Variants in GLT1D1 observed in about 807,000 individuals in gnomAD.
The protein encoded by GLT1D1 is glycosyltransferase 1 domain containing 1.
A neutral mutation model predicts 28.7 loss-of-function variants in GLT1D1; 21 were observed. The observed-to-expected ratio is 0.73, with a 90% confidence interval of 0.52 to 1.05. GLT1D1 has a LOEUF of 1.05. GLT1D1 is among the 50% of genes least tolerant of loss of function. The probability of loss-of-function intolerance (pLI) is 0.00; values close to 1 mark genes in which losing one functional copy is unlikely to be tolerated. For missense variants in GLT1D1, 343 were observed against 330.6 expected, an observed-to-expected ratio of 1.04 and a Z score of -0.29; for synonymous variants, 147 against 124.8, an observed-to-expected ratio of 1.18 and a Z score of -1.19.
rs934819739 is a variant in GLT1D1, at chr12:128,944,740, A to G, written c.376-586A>G. On this transcript the variant is annotated intron_variant, in intron 4 of 7. Transcript: ENST00000281703. ...TCCTGAAGGGCCACGCCAAGATGAC[A>G]TCATTTGGGATGAGTTTCCCTTGGT... The G allele has an allele frequency of 1.1e-5, 6 of 566,122 alleles. No individual in the cohort carries two copies. In the East Asian group the frequency reaches 1.9e-4, roughly 18 times the overall value. The allele number at this position is 566,122 out of a possible 1,614,324, so 35.1% of individuals were successfully genotyped here. A position where few individuals can be genotyped will look rare whatever the true frequency, so the allele number is the denominator to read the frequency against.
intron 6 of GLT1D1, among the ~76,000 whole-genome samples, chr12:128,951,587 G>T (rs1233492948): frequency 1.3e-5 from 2 of 152,114 alleles, no homozygotes; most frequent in African/African-American, 4.8e-5. Context: ...GGTGCCTGAC[G>T]CTGGCTCTGA....
intron 4 of GLT1D1, chr12:128,944,839 G>T: frequency 3.8e-6 from 1 of 265,454 alleles, no homozygotes; most frequent in Non-Finnish European, 7.1e-6. Flanking sequence ...GGGTACATGT[G>T]CACAATGTGC....
rs538368737 is a variant in GLT1D1, at chr12:128,949,268, T to A, written c.540+1810T>A. On this transcript the variant is annotated intron_variant, in intron 6 of 7. Coordinates refer to ENST00000281703, the MANE Select transcript of GLT1D1 (RefSeq NM_144669.3). ...GCACTTCACTGCGGATGAATCGCTG[T>A]CAAACCTCATTTACTTCAAAGCAAA... Among the ~76,000 whole-genome samples the A allele has an allele frequency of 2.0e-5, 3 of 152,356 alleles. No homozygotes were observed. The East Asian group carries it at 5.8e-4, about 29-fold the overall frequency.
chr12:128,863,657 C>T lies in GLT1D1; in HGVS notation c.68+10008C>T, dbSNP rs1212523. 5.5e-3 allele frequency among the ~76,000 whole-genome samples: 831 copies of T among 152,266 alleles called. 7 individuals are homozygous for T. Among genetic ancestry groups the T allele is most frequent in the African/African-American group, 0.019 (778 of 41,560 alleles). On this transcript the variant is annotated intron_variant, in intron 1 of 7. Transcript: ENST00000281703. ...CCTTCCAAAGTGCTGGGATTACAGG[C>T]GTGAGCCACCGCACCTGGCCTGGGA... is the stretch of plus-strand genomic sequence containing the variant.
At chr12:128,922,877 C>T (rs569227396) in intron 4 of GLT1D1, among the ~76,000 whole-genome samples, 46 of 133,330 alleles carry the variant, frequency 3.5e-4, no homozygotes, top group South Asian at 1.8e-3. Flanking sequence ...GAGCCGAGAA[C>T]GCACCACTGC....
At chr12:128,974,970 G>A (rs1217508253) in intron 7 of GLT1D1, among the ~76,000 whole-genome samples, 1 of 152,212 alleles carries the variant, frequency 6.6e-6, no homozygotes, top group African/African-American at 2.4e-5. Context: ...CCCTCCACCA[G>A]CAGTGAAGAT....
chr12:128,948,472 C>T (rs1003713291), intron 6 of GLT1D1, among the ~76,000 whole-genome samples: 8 of 152,106 alleles, frequency 5.3e-5, no homozygotes, highest in Non-Finnish European at 1.2e-4. Context: ...TGGTTCTCAG[C>T]ACACACACTG....
chr12:128,944,976 G>A (rs1319515862), intron 4 of GLT1D1: 1 of 565,884 alleles, frequency 1.8e-6, no homozygotes, highest in Non-Finnish European at 3.2e-6. Flanking sequence ...GCCCCGGTGT[G>A]TGATGTTCCC....
rs1258360572 is a variant in GLT1D1, at chr12:128,982,927, A to G, written c.640-2A>G. On this transcript the variant is annotated splice_acceptor_variant, in intron 7 of 7. Coordinates refer to ENST00000281703, the MANE Select transcript of GLT1D1 (RefSeq NM_144669.3). LOFTEE classifies it high-confidence loss of function. The stretch of plus-strand genomic sequence containing the variant: ...TGTCTACTTCTCCTTCCTTTTTTGC[A>G]GGAGTTTGTTCATCTGGCAAAGAGA... 1 of 1,610,180 alleles carries G rather than the reference A, an allele frequency of 6.2e-7. No homozygotes were observed. Among genetic ancestry groups the G allele is most frequent in the African/African-American group, 1.3e-5 (1 of 74,516 alleles).
At chr12:128,854,250 G>T (rs1018153404) in intron 1 of GLT1D1, among the ~76,000 whole-genome samples, 7 of 151,924 alleles carry the variant, frequency 4.6e-5, no homozygotes, top group Non-Finnish European at 8.8e-5. Context: ...CAAGCCCGGC[G>T]GGGGCCCGGG....
At position 128,945,268 on chromosome 12, in the gene GLT1D1, G is replaced by A. The variant is rs376232737; in HGVS notation, c.376-58G>A. ...GGCTTTGGCCTGGCCCGTGCTGGCC[G>A]GCTGGCAGCGCCACTAGCAGGCGGC... is the stretch of plus-strand genomic sequence containing the variant. On this transcript the variant is annotated intron_variant, in intron 4 of 7. Coordinates refer to ENST00000281703, the MANE Select transcript of GLT1D1 (RefSeq NM_144669.3). 5.1e-4 allele frequency: 805 copies of A among 1,572,798 alleles called. 1 individual carries two copies. The highest frequency in any genetic ancestry group is 1.7e-3 in the East Asian group (74 of 44,696).
At chr12:128,914,019 C>T (rs192064042) in intron 4 of GLT1D1, among the ~76,000 whole-genome samples, 301 of 152,210 alleles carry the variant, frequency 2.0e-3, no homozygotes, top group Non-Finnish European at 3.3e-3. Context: ...GTGTGAATAA[C>T]GATTATGCAG....
intron 1 of GLT1D1, among the ~76,000 whole-genome samples, chr12:128,869,588 G>A (rs12320719): frequency 0.027 from 4,150 of 151,788 alleles, 189 homozygotes; most frequent in African/African-American, 0.094. Context: ...ATATATTTAC[G>A]TATAAGTAGT....
intron 7 of GLT1D1, among the ~76,000 whole-genome samples, chr12:128,964,541 C>T (rs1878272674): frequency 6.6e-6 from 1 of 152,212 alleles, no homozygotes; most frequent in African/African-American, 2.4e-5. Context: ...AATGTTCACC[C>T]TGTGATGGAC....
chr12:128,943,406 G>A (rs1000768895), intron 4 of GLT1D1, among the ~76,000 whole-genome samples: 3 of 150,794 alleles, frequency 2.0e-5, no homozygotes, highest in Middle Eastern at 3.4e-3. Flanking sequence ...TTATCAGGGC[G>A]GATCATACAT....
chr12:128,880,920 T>G (rs1343704329), intron 2 of GLT1D1, among the ~76,000 whole-genome samples: 1 of 152,062 alleles, frequency 6.6e-6, no homozygotes, highest in Non-Finnish European at 1.5e-5. Flanking sequence ...GCTTGCAACT[T>G]CTTTTAAAAA....
chr12:128,963,994 T>C (rs959584156), intron 7 of GLT1D1, among the ~76,000 whole-genome samples: 1 of 152,218 alleles, frequency 6.6e-6, no homozygotes, highest in African/African-American at 2.4e-5. Flanking sequence ...CTCACAGTCC[T>C]AGAGGCTGCA....
chr12:128,957,514 C>T (rs1243673952), intron 6 of GLT1D1, 31 bp from the exon 11 acceptor site: 7 of 1,491,880 alleles, frequency 4.7e-6, no homozygotes, highest in Non-Finnish European at 6.5e-6. Context: ...AAATGACTGC[C>T]TTCCACCCCC....
At chr12:128,950,614 C>T (rs1385589547) in intron 6 of GLT1D1, among the ~76,000 whole-genome samples, 1 of 152,192 alleles carries the variant, frequency 6.6e-6, no homozygotes, top group Admixed American at 6.5e-5. Flanking sequence ...GTGCCCCCCC[C>T]TCACAGATCA....
Sources: allele counts gnomAD v4.1 joint callset (sites outside exome capture counted in the v4.1 genomes callset), GRCh38; gene constraint gnomAD v4.1.1; transcripts MANE v1.5; gene names NCBI Gene and HGNC (gene_info 2026-07-23, HGNC 2026-07-21).